The following DNAH9 variants were observed in gnomAD, a reference collection of about 807,000 sequenced individuals.
DNAH9 encodes dynein axonemal heavy chain 9.
In DNAH9, 345 loss-of-function variants were observed where a neutral mutation model predicts 471.6. The observed-to-expected ratio is 0.73, with a 90% confidence interval of 0.67 to 0.80. The LOEUF (loss-of-function observed/expected upper bound fraction) is 0.80, where lower values mean the gene tolerates loss of function less well. DNAH9 is among the 30% of genes least tolerant of loss of function. The pLI is 0.00. For synonymous variants in DNAH9, 2,093 were observed against 2,123.6 expected (o/e 0.99, Z 0.40); for missense variants, 5,407 against 5,609.2 (o/e 0.96, Z 1.15).
chr17:11,809,751 TA>T (rs760494444), intron 44 of DNAH9, among the ~76,000 whole-genome samples: 3 of 151,988 alleles, frequency 2.0e-5, no homozygotes, highest in Non-Finnish European at 4.4e-5. Context: ...CATACTTACT[TA>T]TATGTAAGTA....
At chr17:11,646,951 C>A in intron 11 of DNAH9, 121 bp from the exon 12 acceptor site, 2 of 933,644 alleles carry the variant, frequency 2.1e-6, no homozygotes, top group Non-Finnish European at 3.2e-6. Context: ...CTCTCAGAAG[C>A]TGACCCAGCC....
At chr17:11,604,291 G>T (rs2072451237) in intron 1 of DNAH9, among the ~76,000 whole-genome samples, 1 of 152,002 alleles carries the variant, frequency 6.6e-6, no homozygotes, top group Admixed American at 6.6e-5. Context: ...CAAAGTGTTG[G>T]GATTACAGGT....
chr17:11,942,527 G>A, intron 67 of DNAH9, 42 bp downstream of exon 67: 1 of 1,572,442 alleles, frequency 6.4e-7, no homozygotes, highest in Non-Finnish European at 8.7e-7. Flanking sequence ...CATTGCTAGA[G>A]GACACAGATG....
chr17:11,862,463 G>GCCTCCA (rs1971891952), intron 50 of DNAH9, among the ~76,000 whole-genome samples: 1 of 105,240 alleles, frequency 9.5e-6, no homozygotes, highest in Non-Finnish European at 2.0e-5. Flanking sequence ...TGATGCCTCC[G>GCCTCCA]GCTTTGTTCT....
Position 11,644,656 on chromosome 17 carries a change from C to A in DNAH9, c.1927C>A (p.Arg643=), listed in dbSNP as rs759177757. Residue 643 remains arginine, a synonymous_variant, in exon 11 of 69, where the codon CGA becomes AGA. Transcript: ENST00000262442. ...TTGCATGGAATCTGCAGAAGGAAAG[C>A]GAATGCAACAAAAATATGAAGATAT... is the stretch of plus-strand genomic sequence containing the variant. ...HPCMESAEGK[R]MQQKYEDMLS... 3.7e-6 allele frequency: 6 copies of A among 1,612,172 alleles called. No homozygotes were observed. Among genetic ancestry groups the A allele is most frequent in the Non-Finnish European group, 5.1e-6 (6 of 1,178,940 alleles).
chr17:11,717,092 G>A (rs1022165192), intron 26 of DNAH9, among the ~76,000 whole-genome samples: 1 of 152,208 alleles, frequency 6.6e-6, no homozygotes, highest in Admixed American at 6.5e-5. Context: ...AGGACAAGAC[G>A]AGACCCAACT....
At chr17:11,964,018 T>C (rs1392532286) in intron 68 of DNAH9, among the ~76,000 whole-genome samples, 3 of 152,326 alleles carry the variant, frequency 2.0e-5, no homozygotes, top group Non-Finnish European at 1.5e-5. Context: ...ACTCTGCCCA[T>C]ACTTTGACTT....
chr17:11,719,193 G>C, intron 26 of DNAH9, 141 bp from the exon 27 acceptor site: 1 of 767,138 alleles, frequency 1.3e-6, no homozygotes, highest in Non-Finnish European at 2.1e-6. Flanking sequence ...CCTCCCCACA[G>C]TGCTGTGGGG....
rs754510628 is a variant in DNAH9, at chr17:11,934,067, A to G, written c.12485A>G (p.His4162Arg). 1 of 1,613,206 alleles carries G rather than the reference A, an allele frequency of 6.2e-7. No homozygotes were observed. Among genetic ancestry groups the G allele is most frequent in the Non-Finnish European group, 8.5e-7 (1 of 1,179,450 alleles). Reference sequence around the variant, plus strand: ...GGCAACATGGACTACAATGGTTATCATCAGGTGAGACTCTGCTCTGTGCTT... The same window carrying G: ...GGCAACATGGACTACAATGGTTATCGTCAGGTGAGACTCTGCTCTGTGCTT... ...LPGNMDYNGYHQYIDAELPPE... is the reference protein window; with the variant it reads ...LPGNMDYNGYRQYIDAELPPE... The change falls in exon 65 of 69, where the codon CAT (histidine) becomes CGT (arginine). Residue 4162 changes from histidine to arginine, a missense_variant. Transcript: ENST00000262442.
chr17:11,859,628 A>C (rs991632631), intron 50 of DNAH9, among the ~76,000 whole-genome samples: 1 of 152,160 alleles, frequency 6.6e-6, no homozygotes, highest in African/African-American at 2.4e-5. Context: ...CAGGTTTTAC[A>C]AGCAGCATGG....
intron 12 of DNAH9, among the ~76,000 whole-genome samples, chr17:11,649,585 C>T (rs908067060): frequency 6.6e-6 from 1 of 152,062 alleles, no homozygotes; most frequent in Non-Finnish European, 1.5e-5. Flanking sequence ...AACGGGCATT[C>T]ACATTTTGAG....
At chr17:11,757,305 T>A (rs1967438695) in intron 34 of DNAH9, among the ~76,000 whole-genome samples, 1 of 152,002 alleles carries the variant, frequency 6.6e-6, no homozygotes, top group Admixed American at 6.5e-5. Context: ...TTGGGCATTC[T>A]CCTAGCTTTT....
At chr17:11,792,760 T>A (rs1279121153) in intron 41 of DNAH9, among the ~76,000 whole-genome samples, 1 of 152,222 alleles carries the variant, frequency 6.6e-6, no homozygotes, top group Non-Finnish European at 1.5e-5. Context: ...ACTGTGGAAT[T>A]GAAATATAGC....
Position 11,756,624 on chromosome 17 carries a change from C to T in DNAH9, c.6795C>T (p.Leu2265=), listed in dbSNP as rs777715259. The part of the protein sequence containing the change: ...RIPLNPTMKL[L]FEISHLRTAT... ...CTCTGAACCCCACCATGAAGCTCCT[C>T]TTTGAGATCAGCCACCTGCGCACAG... The change falls in exon 34 of 69, where the codon CTC becomes CTT. Residue 2265 remains leucine, a synonymous_variant. Coordinates refer to ENST00000262442, the MANE Select transcript of DNAH9 (RefSeq NM_001372.4). The T allele has an allele frequency of 5.0e-6, 8 of 1,613,878 alleles. No homozygotes were observed. Among genetic ancestry groups the T allele is most frequent in the East Asian group, 2.2e-5 (1 of 44,882 alleles).
At chr17:11,658,993 T>C (rs929236985) in intron 14 of DNAH9, among the ~76,000 whole-genome samples, 3 of 152,212 alleles carry the variant, frequency 2.0e-5, no homozygotes, top group Non-Finnish European at 2.9e-5. Flanking sequence ...AAGATTATGC[T>C]AGCCTCATAA....
intron 55 of DNAH9, among the ~76,000 whole-genome samples, chr17:11,882,334 A>T (rs1972755286): frequency 6.6e-6 from 1 of 152,216 alleles, no homozygotes; most frequent in Admixed American, 6.5e-5. Flanking sequence ...CATCTCCAAT[A>T]TAGTCACATG....
chr17:11,738,984 C>A lies in DNAH9; in HGVS notation c.5919C>A (p.Asn1973Lys), dbSNP rs770135388. 6.2e-7 allele frequency: 1 copy of A among 1,614,126 alleles called. No homozygotes were observed. The highest frequency in any genetic ancestry group is 1.7e-5 in the Admixed American group (1 of 60,022). ...NPSVGIFITM[N>K]PGYAGRTELP... is the part of the protein sequence containing the mutation. Reference sequence around the variant, plus strand: ...CTGTCGGTATCTTCATCACCATGAACCCAGGCTATGCTGGCCGCACAGAGC... The same window carrying A: ...CTGTCGGTATCTTCATCACCATGAAACCAGGCTATGCTGGCCGCACAGAGC... Residue 1973 changes from asparagine to lysine, a missense_variant, in exon 29 of 69, where the codon AAC (asparagine) becomes AAA (lysine). Asn to Lys is a moderately conservative substitution (Grantham distance 94, BLOSUM62 0). Around this residue, in one of 3 missense-constraint regions of DNAH9, gnomAD observed 4,636 missense variants for 4,900.3 expected, o/e 0.95. Coordinates refer to ENST00000262442, the MANE Select transcript of DNAH9 (RefSeq NM_001372.4).
At chr17:11,828,114 A>G (rs775473544) in intron 48 of DNAH9, among the ~76,000 whole-genome samples, 19 of 152,086 alleles carry the variant, frequency 1.2e-4, no homozygotes, top group Non-Finnish European at 2.6e-4. Context: ...TAACTAGTTT[A>G]TTTGCTTCTA....
At chr17:11,661,244 C>A (rs1477367744) in intron 14 of DNAH9, among the ~76,000 whole-genome samples, 1 of 151,746 alleles carries the variant, frequency 6.6e-6, no homozygotes, top group Non-Finnish European at 1.5e-5. Flanking sequence ...CCTTTCCTAT[C>A]TGATTCATTA....
Sources: allele counts gnomAD v4.1 joint callset (sites outside exome capture counted in the v4.1 genomes callset), GRCh38; gene constraint gnomAD v4.1.1; regional missense constraint gnomAD v4.1.1; transcripts MANE v1.5; gene names NCBI Gene and HGNC (gene_info 2026-07-23, HGNC 2026-07-21).